MARF1: variants seen among roughly 807,000 people sequenced by gnomAD.
MARF1 encodes limkain-b1.
Under a neutral mutation model 168.2 loss-of-function variants are expected in MARF1, and 24 were observed. That is an observed-to-expected ratio of 0.14 (90% confidence interval 0.10 to 0.20). The LOEUF is 0.20. Ranked by LOEUF, MARF1 falls within the 10% of genes least tolerant of loss-of-function variation. The pLI is 1.00. For missense variants in MARF1, 1,744 were observed against 2,143.6 expected, an observed-to-expected ratio of 0.81 and a Z score of 3.68; for synonymous variants, 868 against 822.4, an observed-to-expected ratio of 1.06 and a Z score of -0.95.
chr16:15,608,603 A>G, intron 20 of MARF1, 85 bp from the exon 21 acceptor site: 1 of 946,898 alleles, frequency 1.1e-6, no homozygotes. Context: ...GCAGCTAGTA[A>G]TGAAAAAACA....
intron 26 of MARF1, 63 bp downstream of exon 26, chr16:15,598,791 A>G (rs2032045191): frequency 6.8e-7 from 1 of 1,476,000 alleles, no homozygotes; most frequent in African/African-American, 1.4e-5. Context: ...CTATATCAGT[A>G]TCTCATCGTG....
rs2033581964 is a variant in MARF1 at position 15,611,775 on chromosome 16, C to T, written c.3475-41G>A. 4 of 1,570,724 alleles carry T rather than the reference C, an allele frequency of 2.5e-6. No homozygotes were observed. In the East Asian group the frequency reaches 9.0e-5, roughly 35 times the overall value. On this transcript the variant is annotated intron_variant, in intron 17 of 26. Transcript: ENST00000396368. ...TTTATTTATACACATAAGACCTCAG[C>T]AGACAGCGACTTCCTTGCTGCTGGC...
intron 22 of MARF1, among the ~76,000 whole-genome samples, chr16:15,603,811 A>C (rs2032753370): frequency 1.3e-5 from 2 of 151,968 alleles, no homozygotes; most frequent in Admixed American, 1.3e-4. Flanking sequence ...CACCTTACTC[A>C]TCTCTCTCTT....
intron 23 of MARF1, chr16:15,601,734 T>TC: frequency 1.8e-6 from 1 of 560,364 alleles, no homozygotes; most frequent in Admixed American, 3.1e-5. Context: ...GTCTTGACTC[T>TC]CCCATTAACC....
At chr16:15,618,289 G>T (rs1596471995) in intron 13 of MARF1, among the ~76,000 whole-genome samples, 1 of 152,046 alleles carries the variant, frequency 6.6e-6, no homozygotes, top group Non-Finnish European at 1.5e-5. Context: ...TCCTACATAT[G>T]CTCAGATTCC....
intron 22 of MARF1, 58 bp downstream of exon 22, chr16:15,604,110 G>A (rs1289591378): frequency 7.5e-6 from 10 of 1,327,386 alleles, no homozygotes; most frequent in Middle Eastern, 1.8e-4. Flanking sequence ...CAGGTAATCC[G>A]GAAATGCCCA....
intron 5 of MARF1, 115 bp downstream of exon 5, chr16:15,633,502 C>T (rs971626476): frequency 2.1e-5 from 16 of 745,344 alleles, no homozygotes; most frequent in Non-Finnish European, 2.8e-5. Flanking sequence ...GCCATGAATG[C>T]GTCACTGCAC....
At chr16:15,631,757 G>A (rs1418883664) in intron 5 of MARF1, among the ~76,000 whole-genome samples, 2 of 151,580 alleles carry the variant, frequency 1.3e-5, no homozygotes, top group African/African-American at 2.4e-5. Flanking sequence ...CCCCAACCCC[G>A]ACAGACAGAC....
intron 2 of MARF1, among the ~76,000 whole-genome samples, chr16:15,637,390 T>C (rs1007040487): frequency 5.3e-5 from 8 of 152,164 alleles, no homozygotes; most frequent in Non-Finnish European, 4.4e-5. Context: ...TCCACTCCCT[T>C]TGCTGTGATT....
chr16:15,642,193 C>A (rs2036035840), intron 1 of MARF1, among the ~76,000 whole-genome samples: 1 of 152,192 alleles, frequency 6.6e-6, no homozygotes, highest in African/African-American at 2.4e-5. Flanking sequence ...TTTGACCCCA[C>A]ACCACCCCAT....
intron 19 of MARF1, 143 bp from the exon 20 acceptor site, chr16:15,609,868 A>AT: frequency 1.5e-6 from 1 of 680,020 alleles, no homozygotes. Flanking sequence ...AAACAAACAC[A>AT]TATACTCTTC....
intron 7 of MARF1, among the ~76,000 whole-genome samples, chr16:15,628,397 ATTCTT>A (rs1229471509): frequency 6.6e-6 from 1 of 151,522 alleles, no homozygotes; most frequent in African/African-American, 2.4e-5. Flanking sequence ...ATACCATACT[ATTCTT>A]TTCTTTCTTT....
chr16:15,620,430 GA>G lies in MARF1; in HGVS notation c.2720+20del. 6.4e-7 allele frequency: 1 copy of G among 1,551,386 alleles called. No homozygotes were observed. Among genetic ancestry groups the G allele is most frequent in the Non-Finnish European group, 8.9e-7 (1 of 1,124,770 alleles). ...CACCAATCAGTACTGACTGGATAAA[GA>G]AAAAATATACCTAACTTACTTTTTT... On this transcript the variant is annotated intron_variant, in intron 13 of 26. Transcript: ENST00000396368.
rs1279504226 is a variant in MARF1 at position 15,643,071 on chromosome 16, GC to G, written c.-113del. On this transcript the variant is annotated 5_prime_UTR_variant, in exon 1 of 27. Transcript: ENST00000396368. ...ATTCCGGCCCCGCCGCCTTCCCCCCGCCCCCCCCAGGCCCTTTGTTTTGATT... is the reference window on the plus strand; with the variant it reads ...ATTCCGGCCCCGCCGCCTTCCCCCCGCCCCCCCAGGCCCTTTGTTTTGATT... 7.8e-4 allele frequency: 65 copies of G among 83,478 alleles called. No homozygotes were observed. Among genetic ancestry groups the G allele is most frequent in the African/African-American group, 2.6e-3 (41 of 15,546 alleles). 5.2% of individuals were successfully genotyped at this position (83,478 alleles called of 1,614,324 possible). A position where few individuals can be genotyped will look rare whatever the true frequency, so the allele number is the denominator to read the frequency against.
At chr16:15,630,671 A>G (rs1356616571) in intron 6 of MARF1, among the ~76,000 whole-genome samples, 167 bp from the exon 7 acceptor site, 1 of 152,202 alleles carries the variant, frequency 6.6e-6, no homozygotes, top group Non-Finnish European at 1.5e-5. Context: ...AGAAGAATGT[A>G]AGACAATCTT....
intron 16 of MARF1, among the ~76,000 whole-genome samples, chr16:15,614,828 AG>A (rs1264273191): frequency 4.6e-5 from 7 of 151,406 alleles, no homozygotes; most frequent in Non-Finnish European, 8.8e-5. Flanking sequence ...CTTGTCACCC[AG>A]GCTGGAGTGC....
chr16:15,602,824 G>C, intron 22 of MARF1: 1 of 318,002 alleles, frequency 3.1e-6, no homozygotes, highest in South Asian at 2.6e-5. Context: ...AGTGAACACT[G>C]GGGCCATTAA....
chr16:15,599,424 G>C (rs1378410397), intron 25 of MARF1, among the ~76,000 whole-genome samples: 1 of 152,174 alleles, frequency 6.6e-6, no homozygotes, highest in African/African-American at 2.4e-5. Flanking sequence ...CTGACTCTGG[G>C]TGAGCTGTAA....
At chr16:15,600,056 G>C (rs943457289) in intron 25 of MARF1, among the ~76,000 whole-genome samples, 6 of 152,138 alleles carry the variant, frequency 3.9e-5, no homozygotes, top group African/African-American at 1.2e-4. Context: ...CACCCACTGA[G>C]CCCTCACTCT....
Sources: allele counts gnomAD v4.1 joint callset (sites outside exome capture counted in the v4.1 genomes callset), GRCh38; gene constraint gnomAD v4.1.1; transcripts MANE v1.5; gene names NCBI Gene and HGNC (gene_info 2026-07-23, HGNC 2026-07-21).